Variants in NELL1 observed in about 807,000 individuals in gnomAD.
NELL1 encodes protein kinase C-binding protein NELL1.
NELL1 carries 76 observed loss-of-function variants against 107.4 expected under a neutral mutation model. That is an observed-to-expected ratio of 0.71 (90% CI 0.59 to 0.86). The LOEUF is 0.86. Ranked by LOEUF, NELL1 falls within the 40% of genes least tolerant of loss-of-function variation. The pLI is 0.00. For synonymous variants in NELL1, 353 were observed against 341.2 expected, an observed-to-expected ratio of 1.03 and a Z score of -0.38; for missense variants, 1,024 against 1,005.5, an observed-to-expected ratio of 1.02 and a Z score of -0.25.
chr11:21,030,082 G>A (rs563413757), intron 12 of NELL1, among the ~76,000 whole-genome samples: 2 of 152,318 alleles, frequency 1.3e-5, no homozygotes, highest in Admixed American at 6.5e-5. Flanking sequence ...GTTTGGGAAA[G>A]TGACAGCCTG....
chr11:21,098,735 T>C (rs1336005127), intron 12 of NELL1, among the ~76,000 whole-genome samples: 1 of 152,050 alleles, frequency 6.6e-6, no homozygotes, highest in East Asian at 1.9e-4. Context: ...TTACTCCAGG[T>C]TTTTCCCCCA....
At chr11:20,715,369 C>G (rs548771878) in intron 2 of NELL1, among the ~76,000 whole-genome samples, 1 of 151,652 alleles carries the variant, frequency 6.6e-6, no homozygotes, top group African/African-American at 2.4e-5. Flanking sequence ...TTCTGTCAGC[C>G]TTCCTATACA....
rs934983415 is a variant in NELL1 at position 20,928,288 on chromosome 11, G to A, written c.895-89G>A. 25 of 1,171,670 alleles carry A rather than the reference G, an allele frequency of 2.1e-5. No individual in the cohort carries two copies. The African/African-American group carries it at 3.2e-4, about 15-fold the overall frequency. 72.6% of individuals were successfully genotyped at this position (1,171,670 alleles called of 1,614,324 possible). A position where few individuals can be genotyped will look rare whatever the true frequency, so the allele number is the denominator to read the frequency against. On this transcript the variant is annotated intron_variant, in intron 8 of 19. Coordinates refer to ENST00000357134, the MANE Select transcript of NELL1 (RefSeq NM_006157.5). ...AATACTGCTTCTGTTTCCCTGATGA[G>A]GTTTCTGGGATGAGATTTCAATGAT... is the stretch of plus-strand genomic sequence containing the variant.
At chr11:21,375,317 T>C (rs1459222465) in intron 15 of NELL1, among the ~76,000 whole-genome samples, 1 of 152,172 alleles carries the variant, frequency 6.6e-6, no homozygotes, top group Non-Finnish European at 1.5e-5. Flanking sequence ...TGGTTTTCTG[T>C]TCCTGTGTTA....
chr11:21,145,411 T>C (rs575647575), intron 13 of NELL1, among the ~76,000 whole-genome samples: 18 of 152,332 alleles, frequency 1.2e-4, no homozygotes, highest in African/African-American at 4.1e-4. Context: ...GCTACTATTA[T>C]AATCATTTAA....
chr11:21,099,011 C>T (rs1041260170), intron 12 of NELL1, among the ~76,000 whole-genome samples: 1 of 151,828 alleles, frequency 6.6e-6, no homozygotes, highest in Non-Finnish European at 1.5e-5. Flanking sequence ...TCCAAAAACT[C>T]GTTTCCTTTA....
intron 14 of NELL1, among the ~76,000 whole-genome samples, chr11:21,368,780 T>C (rs1232204881): frequency 6.6e-6 from 1 of 152,134 alleles, no homozygotes; most frequent in African/African-American, 2.4e-5. Flanking sequence ...TATTAGACAA[T>C]TTGTTCCTGG....
intron 10 of NELL1, among the ~76,000 whole-genome samples, chr11:20,945,227 G>A (rs1850938378): frequency 6.6e-6 from 1 of 152,206 alleles, no homozygotes; most frequent in Non-Finnish European, 1.5e-5. Context: ...TGGAGAAGGG[G>A]AAGAAACTGA....
intron 4 of NELL1, among the ~76,000 whole-genome samples, chr11:20,882,298 A>G (rs1456816830): frequency 6.6e-6 from 1 of 152,172 alleles, no homozygotes; most frequent in Admixed American, 6.5e-5. Flanking sequence ...CATTCCCACC[A>G]GGCCTGTGAT....
At chr11:21,092,180 G>A (rs1854537390) in intron 12 of NELL1, among the ~76,000 whole-genome samples, 1 of 152,114 alleles carries the variant, frequency 6.6e-6, no homozygotes, top group South Asian at 2.1e-4. Context: ...CAGGATTTTG[G>A]TCAATAGCAG....
chr11:21,390,568 C>G (rs887886513), intron 15 of NELL1, among the ~76,000 whole-genome samples: 6 of 151,232 alleles, frequency 4.0e-5, no homozygotes, highest in Non-Finnish European at 1.5e-5. Context: ...CTTCCCATTT[C>G]TCTATTCTGT....
intron 15 of NELL1, among the ~76,000 whole-genome samples, chr11:21,459,370 A>G (rs1335461939): frequency 6.6e-6 from 1 of 151,134 alleles, no homozygotes; most frequent in African/African-American, 2.4e-5. Context: ...AAAAAAAAAA[A>G]GTAGGATTTG....
At chr11:20,805,197 T>C (rs528198945) in intron 3 of NELL1, among the ~76,000 whole-genome samples, 35 of 152,164 alleles carry the variant, frequency 2.3e-4, no homozygotes, top group African/African-American at 8.2e-4. Flanking sequence ...AGGCAACAGA[T>C]TGTTGGGTCT....
chr11:21,521,375 T>G (rs1051679033), intron 15 of NELL1, among the ~76,000 whole-genome samples: 1 of 152,178 alleles, frequency 6.6e-6, no homozygotes, highest in Non-Finnish European at 1.5e-5. Context: ...ATTTCAAGCT[T>G]TTGAATTTTG....
chr11:21,016,089 G>A (rs1473870313), intron 12 of NELL1, among the ~76,000 whole-genome samples: 1 of 152,066 alleles, frequency 6.6e-6, no homozygotes, highest in Non-Finnish European at 1.5e-5. Flanking sequence ...GGCATTATTG[G>A]ACACTAATGG....
chr11:20,729,907 G>C (rs1419376417), intron 2 of NELL1, among the ~76,000 whole-genome samples: 1 of 152,192 alleles, frequency 6.6e-6, no homozygotes, highest in African/African-American at 2.4e-5. Context: ...TAGATGGAAT[G>C]ACTGTGTTAG....
intron 13 of NELL1, among the ~76,000 whole-genome samples, chr11:21,148,489 T>C (rs534959489): frequency 5.8e-4 from 89 of 152,334 alleles, no homozygotes; most frequent in African/African-American, 2.1e-3. Flanking sequence ...CTGATGGTTT[T>C]ATTTTTGAAG....
chr11:21,214,755 T>C (rs990024446), intron 13 of NELL1, among the ~76,000 whole-genome samples: 5 of 124,718 alleles, frequency 4.0e-5, no homozygotes, highest in Admixed American at 3.6e-4. Context: ...TGAGAAACTA[T>C]AGATATGGAG....
intron 10 of NELL1, among the ~76,000 whole-genome samples, chr11:20,942,204 T>A (rs2134192143): frequency 6.6e-6 from 1 of 152,340 alleles, no homozygotes; most frequent in South Asian, 2.1e-4. Flanking sequence ...CCCTATATTC[T>A]GTCTCTCATT....
Sources: allele counts gnomAD v4.1 joint callset (sites outside exome capture counted in the v4.1 genomes callset), GRCh38; gene constraint gnomAD v4.1.1; transcripts MANE v1.5; gene names NCBI Gene and HGNC (gene_info 2026-07-23, HGNC 2026-07-21).